Variants in RAB31 observed in about 807,000 individuals in gnomAD.
RAB31 encodes the protein RAB31, member RAS oncogene family.
RAB31 carries 21 observed loss-of-function variants against 25.6 expected under a neutral mutation model. That is an observed-to-expected ratio of 0.82 (90% CI 0.58 to 1.18). RAB31 has a LOEUF of 1.18. Among genes scored for constraint, RAB31 ranks in the 50% most tolerant of loss-of-function variants. The pLI is 0.00. For missense variants in RAB31, 196 were observed against 250.1 expected, an observed-to-expected ratio of 0.78 and a Z score of 1.46; for synonymous variants, 87 against 84.0, an observed-to-expected ratio of 1.04 and a Z score of -0.20.
intron 1 of RAB31, among the ~76,000 whole-genome samples, chr18:9,729,312 G>A (rs2068110402): frequency 6.6e-6 from 1 of 152,100 alleles, no homozygotes. Context: ...CGGATCACGA[G>A]GGGAGGAGAT....
intron 1 of RAB31, among the ~76,000 whole-genome samples, chr18:9,767,621 A>G (rs1039227122): frequency 2.0e-5 from 3 of 152,190 alleles, no homozygotes; most frequent in African/African-American, 7.2e-5. Flanking sequence ...CAATAAGATA[A>G]TGTGTCTTGA....
At chr18:9,717,660 G>GAGAGAAGAAGAGAGAAAGAGGAGA (rs2068051479) in intron 1 of RAB31, among the ~76,000 whole-genome samples, 1 of 151,944 alleles carries the variant, frequency 6.6e-6, no homozygotes, top group Non-Finnish European at 1.5e-5. Flanking sequence ...GGAGAAAGTG[G>GAGAGAAGAAGAGAGAAAGAGGAGA]AGAGAAGAAG....
At chr18:9,849,258 A>AG (rs1236568336) in intron 6 of RAB31, among the ~76,000 whole-genome samples, 1 of 152,146 alleles carries the variant, frequency 6.6e-6, no homozygotes, top group East Asian at 1.9e-4. Context: ...GCGTTTAGGT[A>AG]TGTGCCTGTT....
rs376866243 is a variant in RAB31, at chr18:9,861,638, A to T, written c.*2313A>T. The T allele has an allele frequency of 1.3e-5, 2 of 152,150 alleles. No individual in the cohort carries two copies. Among genetic ancestry groups the T allele is most frequent in the East Asian group, 1.9e-4 (1 of 5,198 alleles). 9.4% of individuals were successfully genotyped at this position (152,150 alleles called of 1,614,324 possible). A position where few individuals can be genotyped will look rare whatever the true frequency, so the allele number is the denominator to read the frequency against. On this transcript the variant is annotated 3_prime_UTR_variant, in exon 7 of 7. Coordinates refer to ENST00000578921, the MANE Select transcript of RAB31 (RefSeq NM_006868.4). ...CTGGCTGTCTAATAATTGAACCATA[A>T]CCATGTAATATTATGTAAAGGCCTG...
chr18:9,809,911 C>T (rs2068562044), intron 3 of RAB31, among the ~76,000 whole-genome samples: 1 of 152,180 alleles, frequency 6.6e-6, no homozygotes, highest in African/African-American at 2.4e-5. Flanking sequence ...CTACCAGCTG[C>T]GGGCAGGGTT....
intron 5 of RAB31, among the ~76,000 whole-genome samples, chr18:9,841,413 C>A (rs2068733117): frequency 6.6e-6 from 1 of 151,842 alleles, no homozygotes; most frequent in South Asian, 2.1e-4. Context: ...GTGGCAGGCG[C>A]CTGTAGTCCC....
chr18:9,831,865 A>G (rs2267558), intron 5 of RAB31, among the ~76,000 whole-genome samples: 14,167 of 152,198 alleles, frequency 0.093, 893 homozygotes, highest in East Asian at 0.36. Context: ...TGTTTGTGTT[A>G]GAGACAGAAC....
At position 9,729,858 on chromosome 18, in the gene RAB31, A is replaced by G. The variant is rs530444591; in HGVS notation, c.39+21414A>G. 2.6e-5 allele frequency among the ~76,000 whole-genome samples: 4 copies of G among 152,320 alleles called. No homozygotes were observed. The East Asian group carries it at 7.7e-4, about 29-fold the overall frequency. On this transcript the variant is annotated intron_variant, in intron 1 of 6. Transcript: ENST00000578921. Reference sequence around the variant, plus strand: ...AATCAGAGCCAGTAGTGTCCGAATTATGAATTTACCCCTGGTTGTTTTTTT... The same window carrying G: ...AATCAGAGCCAGTAGTGTCCGAATTGTGAATTTACCCCTGGTTGTTTTTTT...
At chr18:9,817,548 C>T (rs576802285) in intron 5 of RAB31, among the ~76,000 whole-genome samples, 3 of 152,128 alleles carry the variant, frequency 2.0e-5, no homozygotes, top group East Asian at 1.9e-4. Flanking sequence ...TAAGAACAGG[C>T]GTGTGTGGCC....
At chr18:9,840,110 C>T (rs913124400) in intron 5 of RAB31, among the ~76,000 whole-genome samples, 10 of 152,166 alleles carry the variant, frequency 6.6e-5, no homozygotes, top group Non-Finnish European at 1.3e-4. Flanking sequence ...TGATGGGCCA[C>T]GCAGACTATG....
intron 1 of RAB31, among the ~76,000 whole-genome samples, chr18:9,733,757 C>T (rs1365923466): frequency 1.3e-5 from 2 of 152,070 alleles, no homozygotes; most frequent in Non-Finnish European, 2.9e-5. Flanking sequence ...CCAGCCTCTC[C>T]GTTGCCTGCA....
intron 1 of RAB31, among the ~76,000 whole-genome samples, chr18:9,720,622 G>C (rs1568161680): frequency 6.6e-6 from 1 of 151,808 alleles, no homozygotes; most frequent in South Asian, 2.1e-4. Context: ...CGGTGTCAGA[G>C]TGGTTACCTG....
chr18:9,859,327 C>T lies in RAB31; in HGVS notation c.*2C>T, dbSNP rs2068835596. 2.5e-6 allele frequency: 4 copies of T among 1,608,272 alleles called. No individual in the cohort carries two copies. The highest frequency in any genetic ancestry group is 3.4e-6 in the Non-Finnish European group (4 of 1,174,796). On this transcript the variant is annotated 3_prime_UTR_variant, in exon 7 of 7. Coordinates refer to ENST00000578921, the MANE Select transcript of RAB31 (RefSeq NM_006868.4). ...CAAGCCAGCCGCCGGTGCTGTTGAC[C>T]CAAGGGCCGTGGTCCACGGTACTTG...
chr18:9,709,393 C>T lies in RAB31; in HGVS notation c.39+949C>T, dbSNP rs1284797309. 2.0e-5 allele frequency among the ~76,000 whole-genome samples: 3 copies of T among 152,156 alleles called. No homozygotes were observed. The East Asian group carries it at 5.8e-4, about 29-fold the overall frequency. ...CAGCCATTAGCATCTGGTGTACCCGCCCGTGTCATTGGCAAAGCTGGTCTC... is the reference window on the plus strand; with the variant it reads ...CAGCCATTAGCATCTGGTGTACCCGTCCGTGTCATTGGCAAAGCTGGTCTC... On this transcript the variant is annotated intron_variant, in intron 1 of 6. Transcript: ENST00000578921.
chr18:9,780,966 A>ACAAAG (rs2068400895), intron 2 of RAB31, among the ~76,000 whole-genome samples: 1 of 148,768 alleles, frequency 6.7e-6, no homozygotes, highest in South Asian at 2.1e-4. Context: ...ACAAAACAAA[A>ACAAAG]CATAAATAAA....
chr18:9,760,850 A>T (rs1206143182), intron 1 of RAB31, among the ~76,000 whole-genome samples: 1 of 152,234 alleles, frequency 6.6e-6, no homozygotes, highest in Non-Finnish European at 1.5e-5. Flanking sequence ...TGTGGAAAGG[A>T]TATCAAATGA....
intron 1 of RAB31, among the ~76,000 whole-genome samples, chr18:9,764,425 G>A (rs1215020806): frequency 6.6e-6 from 1 of 152,178 alleles, no homozygotes; most frequent in African/African-American, 2.4e-5. Context: ...ACTGGATATG[G>A]GGAATGGGAA....
intron 1 of RAB31, among the ~76,000 whole-genome samples, chr18:9,755,774 A>C (rs370613590): frequency 3.9e-5 from 6 of 152,164 alleles, no homozygotes; most frequent in Non-Finnish European, 5.9e-5. Context: ...CTTTGAATGA[A>C]TGAAAGATGC....
At chr18:9,836,598 G>A (rs569768664) in intron 5 of RAB31, among the ~76,000 whole-genome samples, 1 of 152,312 alleles carries the variant, frequency 6.6e-6, no homozygotes, top group South Asian at 2.1e-4. Flanking sequence ...GAGAACTGCT[G>A]GGAAGCTTGC....
Sources: gnomAD v4.1 joint callset for allele counts (sites outside exome capture counted in the v4.1 genomes callset) on GRCh38, gnomAD v4.1.1 for gene constraint, MANE v1.5 for transcripts, NCBI Gene and HGNC (gene_info 2026-07-23, HGNC 2026-07-21) for gene names.